Variants in UNC80 observed in about 807,000 individuals in gnomAD.
The protein encoded by UNC80 is unc-80 subunit of NALCN channel complex.
A neutral mutation model predicts 384.6 loss-of-function variants in UNC80; 164 were observed. The observed-to-expected ratio is 0.43, with a 90% confidence interval of 0.38 to 0.49. The LOEUF is 0.49. Among genes scored for constraint, UNC80 ranks in the 20% least tolerant of loss-of-function variants. The pLI is 0.00. For synonymous variants in UNC80, 1,486 were observed against 1,527.8 expected (o/e 0.97, Z 0.64); for missense variants, 3,330 against 4,143.0 (o/e 0.80, Z 5.39).
At chr2:209,932,173 C>T (rs1377397887) in intron 38 of UNC80, among the ~76,000 whole-genome samples, 4 of 152,150 alleles carry the variant, frequency 2.6e-5, no homozygotes, top group Non-Finnish European at 5.9e-5. Flanking sequence ...TCAACCTCCC[C>T]TTAGCTTCTG....
chr2:209,926,223 AT>A (rs1265101520), intron 35 of UNC80, among the ~76,000 whole-genome samples: 4 of 152,142 alleles, frequency 2.6e-5, no homozygotes, highest in African/African-American at 9.7e-5. Context: ...TCTATGAAAA[AT>A]GTCTTAGTCT....
intron 59 of UNC80, among the ~76,000 whole-genome samples, chr2:209,981,608 CA>C (rs375697821): frequency 2.0e-5 from 3 of 151,862 alleles, no homozygotes; most frequent in African/African-American, 2.4e-5. Flanking sequence ...CAAAACAAAA[CA>C]AAAAAAACTC....
chr2:209,812,453 T>TAA (rs141310539), intron 7 of UNC80, among the ~76,000 whole-genome samples: 4,792 of 152,128 alleles, frequency 0.031, 257 homozygotes, highest in African/African-American at 0.11. Context: ...ATTTTTTAAT[T>TAA]AAAAAAATAT....
intron 28 of UNC80, among the ~76,000 whole-genome samples, chr2:209,902,374 A>G (rs2087511427): frequency 1.3e-5 from 2 of 152,236 alleles, no homozygotes. Flanking sequence ...GACAACAGAT[A>G]ATTTAGAATA....
chr2:209,899,495 T>TA (rs897732936), intron 28 of UNC80, among the ~76,000 whole-genome samples: 32 of 151,914 alleles, frequency 2.1e-4, no homozygotes, highest in Non-Finnish European at 2.9e-4. Context: ...TTTATTAATT[T>TA]AAAAAAAAGC....
At position 209,941,115 on chromosome 2, in the gene UNC80, G is replaced by T. The variant is rs557326006; in HGVS notation, c.6647-106G>T. 1.6e-5 allele frequency: 21 copies of T among 1,354,546 alleles called. No individual in the cohort carries two copies. In the African/African-American group the frequency reaches 2.9e-4, roughly 19 times the overall value. The allele number at this position is 1,354,546 out of a possible 1,614,324, so 83.9% of individuals were successfully genotyped here. Reference sequence around the variant, plus strand: ...TTCAGCAGTAGATCTTCACATCCTGGAGCTGGAACAAACGGAGAACAGCAG... The same window carrying T: ...TTCAGCAGTAGATCTTCACATCCTGTAGCTGGAACAAACGGAGAACAGCAG... On this transcript the variant is annotated intron_variant, in intron 43 of 64. Coordinates refer to ENST00000673920, the MANE Select transcript of UNC80 (RefSeq NM_001371986.1).
intron 3 of UNC80, 76 bp downstream of exon 3, chr2:209,776,121 G>A: frequency 6.4e-7 from 1 of 1,553,960 alleles, no homozygotes; most frequent in Non-Finnish European, 8.7e-7. Context: ...AACCTGTACT[G>A]AGTAGTTTCT....
At chr2:209,902,763 T>C (rs1021723667) in intron 28 of UNC80, among the ~76,000 whole-genome samples, 3 of 152,222 alleles carry the variant, frequency 2.0e-5, no homozygotes, top group African/African-American at 2.4e-5. Context: ...GCACACCTAA[T>C]AGACTATGGT....
intron 58 of UNC80, among the ~76,000 whole-genome samples, chr2:209,977,374 A>T (rs2093039319): frequency 6.6e-6 from 1 of 152,182 alleles, no homozygotes; most frequent in Admixed American, 6.5e-5. Context: ...TGAGTATTTA[A>T]TTGGAAGAAA....
rs1479645578 is a variant in UNC80 at position 209,977,066 on chromosome 2, C to A, written c.8926C>A (p.His2976Asn). 1 of 1,519,260 alleles carries A rather than the reference C, an allele frequency of 6.6e-7. No individual in the cohort carries two copies. The highest frequency in any genetic ancestry group is 1.2e-5 in the South Asian group (1 of 82,606). The allele number at this position is 1,519,260 out of a possible 1,614,324, so 94.1% of individuals were successfully genotyped here. Residue 2976 changes from histidine to asparagine, a missense_variant, in exon 58 of 65, where the codon CAT becomes AAT. Transcript: ENST00000673920. ...SELKILKEAV[H>N]SGSAYQGKTS... The stretch of plus-strand genomic sequence containing the variant: ...ACTAAAAATTCTAAAAGAGGCAGTT[C>A]ATAGTGGATCAGGTGAGTGTGCATG...
chr2:209,913,873 C>T lies in UNC80; in HGVS notation c.4962C>T (p.Tyr1654=), dbSNP rs773020190. The change falls in exon 31 of 65, where the codon TAC becomes TAT. Residue 1654 remains tyrosine, a synonymous_variant. Coordinates refer to ENST00000673920, the MANE Select transcript of UNC80 (RefSeq NM_001371986.1). ...KAAPILTEEM[Y]GDIQPAAWEL... is the part of the protein sequence containing the mutation. ...CACCAATTCTGACAGAGGAGATGTA[C>T]GGAGACATCCAGCCAGCTGCCTGGG... 30 of 1,551,366 alleles carry T rather than the reference C, an allele frequency of 1.9e-5. No individual in the cohort carries two copies. The highest frequency in any genetic ancestry group is 3.6e-5 in the South Asian group (3 of 84,038).
At chr2:209,921,801 C>A in intron 34 of UNC80, 115 bp downstream of exon 34, 1 of 1,203,540 alleles carries the variant, frequency 8.3e-7, no homozygotes. Flanking sequence ...TTCCATCTCT[C>A]TCTCACTTCC....
In UNC80 at chr2:209,813,637, T is replaced by C. The variant is rs767113247; in HGVS notation, c.996T>C (p.Val332=). ...CCCGCTATGCCACCTACTTTGACGT[T>C]GCTGTTCTGCGCTGCCTACTTCAGC... ...QRSRYATYFD[V]AVLRCLLQPH... Residue 332 remains valine, a synonymous_variant, in exon 8 of 65, where the codon GTT becomes GTC. Transcript: ENST00000673920. 5.8e-6 allele frequency: 9 copies of C among 1,551,860 alleles called. No homozygotes were observed. Among genetic ancestry groups the C allele is most frequent in the Non-Finnish European group, 7.0e-6 (8 of 1,147,038 alleles).
chr2:209,966,768 G>A (rs1376717204), intron 51 of UNC80, among the ~76,000 whole-genome samples: 3 of 152,108 alleles, frequency 2.0e-5, no homozygotes, highest in East Asian at 1.9e-4. Flanking sequence ...AAGTAGAGGC[G>A]ACCAAAACCA....
At chr2:209,785,103 G>A (rs767125053) in intron 4 of UNC80, among the ~76,000 whole-genome samples, 1 of 152,144 alleles carries the variant, frequency 6.6e-6, no homozygotes, top group South Asian at 2.1e-4. Flanking sequence ...AATGGGTCTG[G>A]GTAGGAGAGG....
At chr2:209,883,400 A>G (rs1208364239) in intron 25 of UNC80, among the ~76,000 whole-genome samples, 1 of 149,696 alleles carries the variant, frequency 6.7e-6, no homozygotes, top group East Asian at 2.0e-4. Context: ...CCCTCCCACC[A>G]AGTCCCTGGC....
At chr2:209,849,129 A>G (rs1362459059) in intron 21 of UNC80, among the ~76,000 whole-genome samples, 1 of 152,182 alleles carries the variant, frequency 6.6e-6, no homozygotes, top group Non-Finnish European at 1.5e-5. Context: ...GAAGTTGTTG[A>G]TTACAGGAAG....
Position 209,826,039 on chromosome 2 carries a change from G to T in UNC80, c.2464G>T (p.Val822Leu). The T allele has an allele frequency of 6.5e-7, 1 of 1,548,838 alleles. No homozygotes were observed. Among genetic ancestry groups the T allele is most frequent in the Non-Finnish European group, 8.7e-7 (1 of 1,145,844 alleles). ...CTCTGGAGATCGTCTGAGACACCAG[G>T]TATTCCGAGAGAATGTAAGAGAATT... ...GLSGDRLRHQ[V>L]FRENAQNCLT... The change falls in exon 14 of 65, where the codon GTA (valine) becomes TTA (leucine). Residue 822 changes from valine (V) to leucine (L), a missense_variant. Transcript: ENST00000673920.
intron 48 of UNC80, among the ~76,000 whole-genome samples, chr2:209,955,742 C>T (rs1020591060): frequency 0.036 from 2,729 of 75,402 alleles, 38 homozygotes; most frequent in African/African-American, 0.061. Context: ...TATATATACA[C>T]ACACACACAC....
Sources: gnomAD v4.1 joint callset for allele counts (sites outside exome capture counted in the v4.1 genomes callset) on GRCh38, gnomAD v4.1.1 for gene constraint, MANE v1.5 for transcripts, NCBI Gene and HGNC (gene_info 2026-07-23, HGNC 2026-07-21) for gene names.